THSD4: variants seen among roughly 807,000 people sequenced by gnomAD.
THSD4 encodes the protein thrombospondin type-1 domain-containing protein 4.
A neutral mutation model predicts 119.0 loss-of-function variants in THSD4; 69 were observed. The observed-to-expected ratio is 0.58, with a 90% confidence interval of 0.48 to 0.71. The LOEUF (loss-of-function observed/expected upper bound fraction) is 0.71, where lower values mean the gene tolerates loss of function less well. Ranked by LOEUF, THSD4 falls within the 30% of genes least tolerant of loss-of-function variation. The probability of loss-of-function intolerance (pLI) is 0.00; values close to 1 mark genes in which losing one functional copy is unlikely to be tolerated. For synonymous variants in THSD4, 524 were observed against 540.4 expected, an observed-to-expected ratio of 0.97 and a Z score of 0.42; for missense variants, 1,393 against 1,391.1, an observed-to-expected ratio of 1.00 and a Z score of -0.02.
At chr15:71,763,465 C>T (rs981539710) in intron 15 of THSD4, among the ~76,000 whole-genome samples, 9 of 152,048 alleles carry the variant, frequency 5.9e-5, no homozygotes, top group Non-Finnish European at 1.3e-4. Context: ...AATCCCAGAA[C>T]GATGGGAGGC....
intron 7 of THSD4, among the ~76,000 whole-genome samples, chr15:71,509,608 A>G (rs190812662): frequency 1.4e-4 from 22 of 152,370 alleles, no homozygotes; most frequent in African/African-American, 5.3e-4. Context: ...TGGCAGAGCT[A>G]GAAATCAAAC....
At chr15:71,320,566 G>C (rs2045252327) in intron 6 of THSD4, among the ~76,000 whole-genome samples, 1 of 152,124 alleles carries the variant, frequency 6.6e-6, no homozygotes, top group South Asian at 2.1e-4. Flanking sequence ...CGTTAGATTG[G>C]TAAAGAGACA....
In THSD4 at chr15:71,256,709, G is replaced by A; in HGVS notation, c.1009G>A (p.Ala337Thr). Residue 337 changes from alanine to threonine, a missense_variant, in exon 6 of 18, where the codon GCA (alanine) becomes ACA (threonine). Physicochemically the swap from Ala to Thr is moderately conservative, Grantham distance 58 (BLOSUM62 0). Transcript: ENST00000261862. ...MGRFYEWEPF[A>T]EVKGNRKCEL... The stretch of plus-strand genomic sequence containing the variant: ...CCGGTTTTATGAGTGGGAACCATTT[G>A]CAGAAGGTAAGAATAGACCCAGCCC... 1 of 1,613,744 alleles carries A rather than the reference G, an allele frequency of 6.2e-7. No homozygotes were observed. The highest frequency in any genetic ancestry group is 8.5e-7 in the Non-Finnish European group (1 of 1,179,788).
intron 7 of THSD4, among the ~76,000 whole-genome samples, chr15:71,507,001 TACAC>T (rs1409367012): frequency 6.6e-6 from 1 of 152,132 alleles, no homozygotes; most frequent in Non-Finnish European, 1.5e-5. Flanking sequence ...GACAAACACA[TACAC>T]ACACACTCAC....
At chr15:71,686,117 T>C (rs542364261) in intron 8 of THSD4, among the ~76,000 whole-genome samples, 10 of 152,322 alleles carry the variant, frequency 6.6e-5, no homozygotes, top group African/African-American at 2.2e-4. Flanking sequence ...TTAACCATTT[T>C]AAATGTACAG....
intron 7 of THSD4, among the ~76,000 whole-genome samples, chr15:71,639,442 A>G (rs1277297290): frequency 1.3e-5 from 2 of 152,172 alleles, no homozygotes; most frequent in African/African-American, 4.8e-5. Context: ...CCACTCCACA[A>G]GGGTCTGGGT....
chr15:71,754,922 T>TAAATTGTGAG (rs1426856579), intron 14 of THSD4, among the ~76,000 whole-genome samples: 2 of 152,184 alleles, frequency 1.3e-5, no homozygotes, highest in Admixed American at 6.5e-5. Context: ...CTAGGGACAG[T>TAAATTGTGAG]AAATTGTGAG....
intron 3 of THSD4, among the ~76,000 whole-genome samples, chr15:71,184,640 T>C (rs566345021): frequency 7.9e-5 from 12 of 151,976 alleles, no homozygotes; most frequent in Admixed American, 3.3e-4. Flanking sequence ...CCCAGGCATC[T>C]GGCTGCAAAG....
In THSD4 at chr15:71,340,725, C is replaced by T. The variant is rs529935057; in HGVS notation, c.1016-70962C>T. Among the ~76,000 whole-genome samples the T allele has an allele frequency of 2.0e-3, 296 of 151,466 alleles. 1 individual carries two copies. The highest frequency in any genetic ancestry group is 3.0e-3 in the Non-Finnish European group (204 of 67,932). On this transcript the variant is annotated intron_variant, in intron 6 of 17. Coordinates refer to ENST00000261862, the MANE Select transcript of THSD4 (RefSeq NM_024817.3). The stretch of plus-strand genomic sequence containing the variant: ...GGTTCAAGCAATTCTCCTGCCTCAA[C>T]CTCCTGAGTAGCTGAGATTACAGGT...
At chr15:71,199,661 A>G (rs1401460958) in intron 3 of THSD4, among the ~76,000 whole-genome samples, 190 of 7,054 alleles carry the variant, frequency 0.027, 5 homozygotes, top group African/African-American at 0.084. Context: ...TGTGTGTGTG[A>G]TGCATGTGTG....
rs556614368 is a variant in THSD4 at position 71,119,819 on chromosome 15, G to A, written c.-80+4121G>A. Among the ~76,000 whole-genome samples, 45 of 152,316 alleles carry A rather than the reference G, an allele frequency of 3.0e-4. No homozygotes were observed. The South Asian group carries it at 4.6e-3, about 15-fold the overall frequency. On this transcript the variant is annotated intron_variant, in intron 1 of 17. Transcript: ENST00000261862. The stretch of plus-strand genomic sequence containing the variant: ...TCCTTTCCCAGAATGGGATCTGGCC[G>A]TTGACAGATCTCTTTCATTCAACTG...
intron 7 of THSD4, among the ~76,000 whole-genome samples, chr15:71,545,832 C>T (rs2048828845): frequency 6.6e-6 from 1 of 152,112 alleles, no homozygotes; most frequent in Non-Finnish European, 1.5e-5. Flanking sequence ...CTGTCCCCCA[C>T]CAAAAAACTC....
intron 1 of THSD4, among the ~76,000 whole-genome samples, chr15:71,140,693 A>G (rs1207597346): frequency 6.6e-6 from 1 of 152,216 alleles, no homozygotes; most frequent in Non-Finnish European, 1.5e-5. Flanking sequence ...GTATTTTCTA[A>G]ATAAGTTTTA....
chr15:71,323,449 G>A (rs2045299952), intron 6 of THSD4, among the ~76,000 whole-genome samples: 1 of 152,234 alleles, frequency 6.6e-6, no homozygotes, highest in Non-Finnish European at 1.5e-5. Context: ...AAGAAACTGG[G>A]ATTGTTCAGA....
chr15:71,199,918 T>TGTGTGTGTGTGTGGTGCATGTGTGGG (rs2043785637), intron 3 of THSD4, among the ~76,000 whole-genome samples: 2 of 83,674 alleles, frequency 2.4e-5, no homozygotes, highest in African/African-American at 6.3e-5. Flanking sequence ...ATGTGTGGGG[T>TGTGTGTGTGTGTGGTGCATGTGTGGG]GTGTGTGTGT....
At chr15:71,475,787 C>T (rs2047647310) in intron 7 of THSD4, among the ~76,000 whole-genome samples, 1 of 152,128 alleles carries the variant, frequency 6.6e-6, no homozygotes, top group Non-Finnish European at 1.5e-5. Context: ...ATTAGCTGGG[C>T]ATAGTGGTGT....
At chr15:71,395,073 A>G (rs1328005250) in intron 6 of THSD4, among the ~76,000 whole-genome samples, 1 of 152,196 alleles carries the variant, frequency 6.6e-6, no homozygotes, top group Admixed American at 6.5e-5. Context: ...TTCTGTAACA[A>G]TGAGGAGAAC....
At chr15:71,467,275 G>C (rs747651180) in intron 7 of THSD4, among the ~76,000 whole-genome samples, 8 of 152,118 alleles carry the variant, frequency 5.3e-5, no homozygotes, top group Non-Finnish European at 1.0e-4. Flanking sequence ...CTCGGTTCAC[G>C]GCTGAGCACT....
intron 3 of THSD4, among the ~76,000 whole-genome samples, chr15:71,177,908 A>T (rs1182800032): frequency 6.8e-6 from 1 of 146,094 alleles, no homozygotes; most frequent in Non-Finnish European, 1.5e-5. Flanking sequence ...ATCTCAATAG[A>T]TGCAGAAAAA....
Sources: allele counts gnomAD v4.1 joint callset (sites outside exome capture counted in the v4.1 genomes callset), GRCh38; gene constraint gnomAD v4.1.1; transcripts MANE v1.5; gene names NCBI Gene and HGNC (gene_info 2026-07-23, HGNC 2026-07-21).